Variants in PIGL observed in about 807,000 individuals in gnomAD.
The protein encoded by PIGL is N-acetylglucosaminyl-phosphatidylinositol de-N-acetylase.
PIGL carries 22 observed loss-of-function variants against 31.1 expected under a neutral mutation model. The ratio of observed to expected loss-of-function variants is 0.71; its 90% CI spans 0.51 to 1.01. PIGL has a LOEUF of 1.01. PIGL is among the 50% of genes least tolerant of loss of function. The pLI is 0.00. For missense variants in PIGL, 302 were observed against 315.9 expected (o/e 0.96, Z 0.33); for synonymous variants, 131 against 117.4 (o/e 1.12, Z -0.75).
intron 2 of PIGL, among the ~76,000 whole-genome samples, chr17:16,266,540 C>T (rs533224516): frequency 6.6e-6 from 1 of 152,130 alleles, no homozygotes; most frequent in African/African-American, 2.4e-5. Flanking sequence ...TTGACCGAAT[C>T]AAGACCTTTA....
At chr17:16,249,372 G>T (rs140007302) in intron 2 of PIGL, among the ~76,000 whole-genome samples, 1 of 152,126 alleles carries the variant, frequency 6.6e-6, no homozygotes, top group African/African-American at 2.4e-5. Flanking sequence ...CCAGCTACTC[G>T]GGAGGCTGAG....
chr17:16,315,821 T>G (rs1212804115), intron 4 of PIGL, among the ~76,000 whole-genome samples: 1 of 141,166 alleles, frequency 7.1e-6, no homozygotes, highest in East Asian at 2.3e-4. Context: ...CTCAGCCTCC[T>G]GAGTAGCTGG....
chr17:16,252,531 T>A (rs557467903), intron 2 of PIGL, among the ~76,000 whole-genome samples: 7 of 151,080 alleles, frequency 4.6e-5, no homozygotes, highest in Non-Finnish European at 1.5e-5. Flanking sequence ...CTGTGTAGGT[T>A]TTTTTTAGTA....
chr17:16,258,463 C>T (rs2092806369), intron 2 of PIGL, among the ~76,000 whole-genome samples: 1 of 151,160 alleles, frequency 6.6e-6, no homozygotes, highest in African/African-American at 2.4e-5. Context: ...CAGGTGTGAG[C>T]CACCTCACCT....
At chr17:16,237,527 G>A (rs996320965) in intron 2 of PIGL, among the ~76,000 whole-genome samples, 1 of 151,902 alleles carries the variant, frequency 6.6e-6, no homozygotes, top group Non-Finnish European at 1.5e-5. Flanking sequence ...CTGGTTGGGT[G>A]TGGTGGCTCC....
chr17:16,225,383 CTTTTTT>C (rs948575134), intron 1 of PIGL, among the ~76,000 whole-genome samples: 1 of 97,566 alleles, frequency 1.0e-5, no homozygotes, highest in African/African-American at 4.2e-5. Flanking sequence ...AAGCACGTTT[CTTTTTT>C]TTTTTTTTTT....
intron 2 of PIGL, among the ~76,000 whole-genome samples, chr17:16,244,342 A>C (rs1171673651): frequency 6.6e-6 from 1 of 152,224 alleles, no homozygotes; most frequent in Non-Finnish European, 1.5e-5. Flanking sequence ...CCCAGGAATG[A>C]ACAAGGACAG....
At chr17:16,234,872 T>C (rs2092693486) in intron 2 of PIGL, among the ~76,000 whole-genome samples, 1 of 152,236 alleles carries the variant, frequency 6.6e-6, no homozygotes, top group South Asian at 2.1e-4. Context: ...GGTACTTCTC[T>C]TTACATCTAT....
At chr17:16,310,314 TGTG>T (rs2093043822) in intron 3 of PIGL, among the ~76,000 whole-genome samples, 2 of 130,054 alleles carry the variant, frequency 1.5e-5, no homozygotes, top group African/African-American at 5.1e-5. Context: ...TGTGTGTGTG[TGTG>T]TGTGTGTTCA....
At chr17:16,240,115 C>T (rs2092716553) in intron 2 of PIGL, among the ~76,000 whole-genome samples, 1 of 152,044 alleles carries the variant, frequency 6.6e-6, no homozygotes, top group Admixed American at 6.6e-5. Context: ...TTGGTACTGT[C>T]CTTGTCAGTG....
chr17:16,326,093 C>G lies in PIGL; in HGVS notation c.*195C>G. 1 of 567,954 alleles carries G rather than the reference C, an allele frequency of 1.8e-6. No homozygotes were observed. The allele number at this position is 567,954 out of a possible 1,614,324, so 35.2% of individuals were successfully genotyped here. On this transcript the variant is annotated 3_prime_UTR_variant, in exon 7 of 7. Transcript: ENST00000225609. ...TTCCCCTGGGAAAAAACCCAAAGAA[C>G]CAAAAACAAACCACCCCAAGGATAA...
chr17:16,272,227 C>T (rs2092876071), intron 2 of PIGL, among the ~76,000 whole-genome samples: 1 of 152,174 alleles, frequency 6.6e-6, no homozygotes. Flanking sequence ...GAAATAAATT[C>T]CCAGAACTTA....
chr17:16,247,763 A>G (rs1166796898), intron 2 of PIGL, among the ~76,000 whole-genome samples: 5 of 151,700 alleles, frequency 3.3e-5, no homozygotes, highest in Admixed American at 6.6e-5. Flanking sequence ...GTCCCACCCG[A>G]TTTTTTCTTT....
chr17:16,322,114 G>C (rs528367236), intron 6 of PIGL, among the ~76,000 whole-genome samples: 19 of 151,130 alleles, frequency 1.3e-4, no homozygotes, highest in African/African-American at 4.6e-4. Flanking sequence ...TATTTTTTGA[G>C]ACAGAGTCTT....
At chr17:16,300,673 C>G (rs1354841482) in intron 3 of PIGL, among the ~76,000 whole-genome samples, 1 of 149,574 alleles carries the variant, frequency 6.7e-6, no homozygotes, top group African/African-American at 2.5e-5. Flanking sequence ...GAGTGAGACT[C>G]TGTCTCAGAA....
rs1179113684 is a variant in PIGL, at chr17:16,234,031, T to G, written c.296T>G (p.Leu99Trp). 2 of 1,607,220 alleles carry G rather than the reference T, an allele frequency of 1.2e-6. No homozygotes were observed. The highest frequency in any genetic ancestry group is 3.3e-5 in the Admixed American group (2 of 59,982). The change falls in exon 2 of 7, where the codon TTG (leucine) becomes TGG (tryptophan). Residue 99 changes from leucine (L) to tryptophan (W), a missense_variant. Leu to Trp is a moderately conservative substitution (Grantham distance 61). Transcript: ENST00000225609. ...GAACTTTTGCAGAGCTGTGATGTTT[T>G]GGGGATTCCACTCTCCAGTGTAATG... ...KKELLQSCDVLGIPLSSVMII... is the reference protein window; with the variant it reads ...KKELLQSCDVWGIPLSSVMII...
At chr17:16,266,062 TC>T (rs1440307691) in intron 2 of PIGL, among the ~76,000 whole-genome samples, 1 of 152,082 alleles carries the variant, frequency 6.6e-6, no homozygotes, top group African/African-American at 2.4e-5. Flanking sequence ...CTGTCATGAC[TC>T]TTTCTAGAAA....
chr17:16,294,587 G>A (rs2142825499), intron 2 of PIGL, among the ~76,000 whole-genome samples: 1 of 152,352 alleles, frequency 6.6e-6, no homozygotes, highest in South Asian at 2.1e-4. Context: ...TTAGGGCCAA[G>A]ACTGAGCAGC....
chr17:16,286,567 G>A (rs991979981), intron 2 of PIGL, among the ~76,000 whole-genome samples: 7 of 152,186 alleles, frequency 4.6e-5, no homozygotes, highest in African/African-American at 1.7e-4. Context: ...TTATTTTAAT[G>A]AACGCTTTTA....
Sources: allele counts gnomAD v4.1 joint callset (sites outside exome capture counted in the v4.1 genomes callset), GRCh38; gene constraint gnomAD v4.1.1; transcripts MANE v1.5; gene names NCBI Gene and HGNC (gene_info 2026-07-23, HGNC 2026-07-21).